ST8SIA1: variants seen among roughly 807,000 people sequenced by gnomAD.
ST8SIA1 encodes alpha-N-acetylneuraminide alpha-2,8-sialyltransferase.
A neutral mutation model predicts 35.9 loss-of-function variants in ST8SIA1; 16 were observed. That is an observed-to-expected ratio of 0.45 (90% CI 0.30 to 0.68). The LOEUF is 0.68. ST8SIA1 is among the 30% of genes least tolerant of loss of function. The probability of loss-of-function intolerance (pLI) is 0.09; values close to 1 mark genes in which losing one functional copy is unlikely to be tolerated. For missense variants in ST8SIA1, 383 were observed against 453.6 expected (o/e 0.84, Z 1.41); for synonymous variants, 170 against 169.6 (o/e 1.00, Z -0.02).
At chr12:22,217,242 A>G (rs931526724) in intron 4 of ST8SIA1, among the ~76,000 whole-genome samples, 1 of 152,182 alleles carries the variant, frequency 6.6e-6, no homozygotes, top group African/African-American at 2.4e-5. Flanking sequence ...CAGAAGAGCA[A>G]TTTATTTGTT....
intron 2 of ST8SIA1, among the ~76,000 whole-genome samples, chr12:22,257,378 ATTTTTTTTTT>A (rs34136511): frequency 1.3e-4 from 15 of 118,592 alleles, no homozygotes; most frequent in African/African-American, 2.6e-4. Flanking sequence ...TGCCCAGCTA[ATTTTTTTTTT>A]TTTTTTTTTT....
chr12:22,287,162 G>C lies in ST8SIA1; in HGVS notation c.368C>G (p.Ser123Cys), dbSNP rs140457216. The C allele has an allele frequency of 2.4e-5, 39 of 1,613,814 alleles. No homozygotes were observed. The highest frequency in any genetic ancestry group is 3.3e-5 in the Admixed American group (2 of 59,996). ...YSFTIDNSTYSLFPQATPFQL... is the reference protein window; with the variant it reads ...YSFTIDNSTYCLFPQATPFQL... Reference sequence around the variant, plus strand: ...CTCTATACTAACCTGTGGGAAGAGAGAGTAAGTTGAATTGTCAATGGTGAA... The same window carrying C: ...CTCTATACTAACCTGTGGGAAGAGACAGTAAGTTGAATTGTCAATGGTGAA... The change falls in exon 2 of 5, where the codon TCT becomes TGT. Residue 123 changes from serine to cysteine, a missense_variant. Coordinates refer to ENST00000396037, the MANE Select transcript of ST8SIA1 (RefSeq NM_003034.4).
At chr12:22,271,579 C>T (rs897706688) in intron 2 of ST8SIA1, among the ~76,000 whole-genome samples, 1 of 152,158 alleles carries the variant, frequency 6.6e-6, no homozygotes, top group African/African-American at 2.4e-5. Flanking sequence ...AAGAAATTAC[C>T]TCTACAGTTA....
chr12:22,314,803 G>C (rs1187751210), intron 1 of ST8SIA1, among the ~76,000 whole-genome samples: 1 of 152,092 alleles, frequency 6.6e-6, no homozygotes, highest in African/African-American at 2.4e-5. Flanking sequence ...ACTTCTCCCA[G>C]ATTCATGCTC....
At chr12:22,325,389 C>T in intron 1 of ST8SIA1, 1 of 697,736 alleles carries the variant, frequency 1.4e-6, no homozygotes, top group Admixed American at 2.0e-5. Context: ...ATTTCCACTT[C>T]CTCCTGGCAC....
At chr12:22,319,860 G>A (rs958004682) in intron 1 of ST8SIA1, among the ~76,000 whole-genome samples, 18 of 152,150 alleles carry the variant, frequency 1.2e-4, no homozygotes, top group African/African-American at 3.9e-4. Context: ...CTGACCACGA[G>A]CTTCCTAAGC....
chr12:22,306,862 CT>C (rs1291155645), intron 1 of ST8SIA1, among the ~76,000 whole-genome samples: 1 of 151,918 alleles, frequency 6.6e-6, no homozygotes, highest in Admixed American at 6.6e-5. Context: ...ACTTTTTTTC[CT>C]TTCTGTCCTT....
intron 4 of ST8SIA1, among the ~76,000 whole-genome samples, chr12:22,245,813 T>A (rs560569369): frequency 6.6e-6 from 1 of 152,174 alleles, no homozygotes; most frequent in Non-Finnish European, 1.5e-5. Context: ...ACAGGTTAAG[T>A]TGATCACCAG....
intron 1 of ST8SIA1, among the ~76,000 whole-genome samples, chr12:22,306,336 G>A (rs1005039358): frequency 6.6e-6 from 1 of 151,996 alleles, no homozygotes; most frequent in Non-Finnish European, 1.5e-5. Flanking sequence ...CACATATTCA[G>A]GGTTCACACC....
At chr12:22,333,824 CT>C (rs1401445161) in intron 1 of ST8SIA1, 172 bp downstream of exon 1, 1 of 783,744 alleles carries the variant, frequency 1.3e-6, no homozygotes, top group Middle Eastern at 2.2e-4. Flanking sequence ...GGAAGGAACC[CT>C]GACTAAAGTC....
chr12:22,216,318 T>C (rs1865233209), intron 4 of ST8SIA1, among the ~76,000 whole-genome samples: 1 of 152,168 alleles, frequency 6.6e-6, no homozygotes, highest in South Asian at 2.1e-4. Context: ...CATGATATAA[T>C]CCCTGCCTAC....
At chr12:22,262,912 T>C (rs949027933) in intron 2 of ST8SIA1, among the ~76,000 whole-genome samples, 8 of 152,226 alleles carry the variant, frequency 5.3e-5, no homozygotes, top group African/African-American at 1.9e-4. Flanking sequence ...GGCTGCAATG[T>C]CCTTACCTCC....
At chr12:22,203,434 C>T (rs1165862171) in intron 4 of ST8SIA1, among the ~76,000 whole-genome samples, 1 of 152,156 alleles carries the variant, frequency 6.6e-6, no homozygotes, top group African/African-American at 2.4e-5. Flanking sequence ...CACAAATCCA[C>T]AGGATTGTAT....
At chr12:22,330,123 C>T (rs1246223701) in intron 1 of ST8SIA1, among the ~76,000 whole-genome samples, 1 of 152,148 alleles carries the variant, frequency 6.6e-6, no homozygotes, top group Non-Finnish European at 1.5e-5. Context: ...GTTCTCTCTG[C>T]CTGGCATATA....
At chr12:22,263,211 T>G (rs1865811351) in intron 2 of ST8SIA1, among the ~76,000 whole-genome samples, 1 of 152,230 alleles carries the variant, frequency 6.6e-6, no homozygotes, top group South Asian at 2.1e-4. Context: ...ATTCGAAATG[T>G]TCTCTAGCTT....
intron 1 of ST8SIA1, among the ~76,000 whole-genome samples, chr12:22,319,456 A>G (rs2135839076): frequency 6.6e-6 from 1 of 152,340 alleles, no homozygotes; most frequent in African/African-American, 2.4e-5. Context: ...CACCTGATAC[A>G]CGAGGAGCAA....
At chr12:22,220,550 T>C (rs146613846) in intron 4 of ST8SIA1, among the ~76,000 whole-genome samples, 10 of 152,164 alleles carry the variant, frequency 6.6e-5, no homozygotes, top group Non-Finnish European at 4.4e-5. Context: ...AAAGTCTAAC[T>C]TTTTTCCCCC....
intron 2 of ST8SIA1, among the ~76,000 whole-genome samples, chr12:22,264,578 A>G (rs1865825934): frequency 6.6e-6 from 1 of 152,132 alleles, no homozygotes; most frequent in African/African-American, 2.4e-5. Context: ...CTTACTTTGC[A>G]TACGTAAGCA....
chr12:22,294,403 A>G (rs1348719636), intron 1 of ST8SIA1, among the ~76,000 whole-genome samples: 1 of 152,166 alleles, frequency 6.6e-6, no homozygotes, highest in Non-Finnish European at 1.5e-5. Flanking sequence ...TATTCATCTT[A>G]TTTTTCTATC....
Sources: gnomAD v4.1 joint callset for allele counts (sites outside exome capture counted in the v4.1 genomes callset) on GRCh38, gnomAD v4.1.1 for gene constraint, MANE v1.5 for transcripts, NCBI Gene and HGNC (gene_info 2026-07-23, HGNC 2026-07-21) for gene names.